The following JAZF1 variants were observed in gnomAD, a reference collection of about 807,000 sequenced individuals.
JAZF1 encodes the protein juxtaposed with another zinc finger protein 1.
Under a neutral mutation model 26.4 loss-of-function variants are expected in JAZF1, and 8 were observed. The observed-to-expected ratio is 0.30, with a 90% confidence interval of 0.18 to 0.55. JAZF1 has a LOEUF of 0.55. Ranked by LOEUF, JAZF1 falls within the 20% of genes least tolerant of loss-of-function variation. The pLI, the probability that JAZF1 is intolerant of heterozygous loss-of-function variation, is 0.94. For missense variants in JAZF1, 199 were observed against 322.0 expected, an observed-to-expected ratio of 0.62 and a Z score of 2.92; for synonymous variants, 126 against 122.3, an observed-to-expected ratio of 1.03 and a Z score of -0.20.
chr7:28,009,954 T>C (rs1225869373), intron 1 of JAZF1, among the ~76,000 whole-genome samples: 2 of 152,234 alleles, frequency 1.3e-5, no homozygotes, highest in African/African-American at 4.8e-5. Context: ...ATTGCTTACA[T>C]GATAAGAGAT....
intron 3 of JAZF1, among the ~76,000 whole-genome samples, chr7:27,863,271 G>T (rs1783413728): frequency 6.6e-6 from 1 of 152,088 alleles, no homozygotes; most frequent in South Asian, 2.1e-4. Context: ...ATCTGGCTGG[G>T]GTCCCTTTGA....
At chr7:28,059,405 T>C (rs1351383088) in intron 1 of JAZF1, among the ~76,000 whole-genome samples, 2 of 152,192 alleles carry the variant, frequency 1.3e-5, no homozygotes, top group Non-Finnish European at 1.5e-5. Flanking sequence ...ACTGAAATTA[T>C]ATATAATGTA....
chr7:27,919,564 ATGCATTTTAC>A (rs2128347499), intron 2 of JAZF1, among the ~76,000 whole-genome samples: 1 of 152,330 alleles, frequency 6.6e-6, no homozygotes, highest in Non-Finnish European at 1.5e-5. Context: ...AAGCATGAGG[ATGCATTTTAC>A]GATGATAAGG....
chr7:27,901,540 T>TG (rs1487739206), intron 2 of JAZF1, among the ~76,000 whole-genome samples: 2 of 152,144 alleles, frequency 1.3e-5, no homozygotes, highest in African/African-American at 2.4e-5. Flanking sequence ...AGTGACCTGC[T>TG]GGGGAAAAAA....
At chr7:27,917,300 C>T (rs1047762953) in intron 2 of JAZF1, among the ~76,000 whole-genome samples, 1 of 152,170 alleles carries the variant, frequency 6.6e-6, no homozygotes, top group African/African-American at 2.4e-5. Context: ...GCAATGAGGA[C>T]CTGTTCCAGC....
intron 1 of JAZF1, among the ~76,000 whole-genome samples, chr7:28,051,179 TTTTTTTTAA>T (rs1783610026): frequency 6.6e-6 from 1 of 151,762 alleles, no homozygotes; most frequent in African/African-American, 2.4e-5. Flanking sequence ...CTATAACTGT[TTTTTTTTAA>T]GAAACTATTG....
chr7:27,899,523 C>G (rs1784130587), intron 2 of JAZF1, among the ~76,000 whole-genome samples: 1 of 152,152 alleles, frequency 6.6e-6, no homozygotes. Context: ...AAGCACCAAC[C>G]TCCTGGGCTC....
intron 1 of JAZF1, among the ~76,000 whole-genome samples, chr7:28,017,421 T>C (rs781024854): frequency 2.4e-4 from 37 of 152,220 alleles, no homozygotes; most frequent in Non-Finnish European, 4.4e-4. Context: ...AGATCCTCTA[T>C]GTTCTCAAAC....
At chr7:28,004,266 C>T (rs1230638366) in intron 1 of JAZF1, among the ~76,000 whole-genome samples, 5 of 152,126 alleles carry the variant, frequency 3.3e-5, no homozygotes, top group Non-Finnish European at 7.4e-5. Flanking sequence ...ACCCATGCTA[C>T]AGGCTTAATA....
chr7:27,854,423 GGTTATTTTGCTT>G, intron 3 of JAZF1, among the ~76,000 whole-genome samples: 1 of 152,266 alleles, frequency 6.6e-6, no homozygotes, highest in South Asian at 2.1e-4. Flanking sequence ...GATGATAGCT[GGTTATTTTGCTT>G]GTTAGTTGAT....
At chr7:28,061,398 A>T (rs1783795178) in intron 1 of JAZF1, among the ~76,000 whole-genome samples, 1 of 152,266 alleles carries the variant, frequency 6.6e-6, no homozygotes, top group Non-Finnish European at 1.5e-5. Context: ...TGTTTAAGAA[A>T]GTACACAAAA....
At chr7:28,088,209 C>T (rs1784239039) in intron 1 of JAZF1, among the ~76,000 whole-genome samples, 2 of 152,172 alleles carry the variant, frequency 1.3e-5, no homozygotes, top group African/African-American at 4.8e-5. Flanking sequence ...ACATGGTAGC[C>T]AACAGCAGTT....
intron 1 of JAZF1, among the ~76,000 whole-genome samples, chr7:28,101,349 G>A (rs569687988): frequency 2.4e-4 from 37 of 152,058 alleles, no homozygotes; most frequent in South Asian, 8.3e-4. Flanking sequence ...ATATTATTAC[G>A]TATATTATGT....
chr7:28,174,013 C>T (rs776187423), intron 1 of JAZF1, among the ~76,000 whole-genome samples: 31 of 151,192 alleles, frequency 2.1e-4, no homozygotes, highest in East Asian at 3.9e-4. Flanking sequence ...AAAAAATACA[C>T]ACATAATAAA....
rs907272614 is a variant in JAZF1, at chr7:27,831,589, T to C, written c.*1211A>G. 2 of 226,250 alleles carry C rather than the reference T, an allele frequency of 8.8e-6. No homozygotes were observed. Among genetic ancestry groups the C allele is most frequent in the East Asian group, 6.4e-5 (1 of 15,690 alleles). The allele number at this position is 226,250 out of a possible 1,614,324, so 14.0% of individuals were successfully genotyped here. Reference sequence around the variant, plus strand: ...ACCACCTGCTGCAAGAAGCACTTAATTGTCAATAAGGCTCATTTTCCTATT... The same window carrying C: ...ACCACCTGCTGCAAGAAGCACTTAACTGTCAATAAGGCTCATTTTCCTATT... On this transcript the variant is annotated 3_prime_UTR_variant, in exon 5 of 5. Transcript: ENST00000283928.
intron 2 of JAZF1, among the ~76,000 whole-genome samples, chr7:27,957,876 G>C (rs1785125705): frequency 6.6e-6 from 1 of 152,152 alleles, no homozygotes; most frequent in Non-Finnish European, 1.5e-5. Context: ...TCCAGACCTT[G>C]AGATAAAGCA....
intron 3 of JAZF1, among the ~76,000 whole-genome samples, chr7:27,862,552 A>T (rs1207458566): frequency 2.0e-5 from 3 of 152,128 alleles, no homozygotes; most frequent in Non-Finnish European, 2.9e-5. Context: ...GACCATTTTC[A>T]TCTCTCCAAA....
intron 1 of JAZF1, among the ~76,000 whole-genome samples, chr7:28,167,020 C>CA (rs971046453): frequency 1.3e-5 from 2 of 151,616 alleles, no homozygotes; most frequent in Non-Finnish European, 2.9e-5. Flanking sequence ...ACCATGGATG[C>CA]AAAAAAAAGG....
intron 1 of JAZF1, among the ~76,000 whole-genome samples, chr7:28,126,847 C>T (rs1023797776): frequency 2.0e-5 from 3 of 152,166 alleles, no homozygotes; most frequent in Non-Finnish European, 2.9e-5. Flanking sequence ...AGTGAGTCCA[C>T]GGAACCCTAA....
Sources: gnomAD v4.1 joint callset for allele counts (sites outside exome capture counted in the v4.1 genomes callset) on GRCh38, gnomAD v4.1.1 for gene constraint, MANE v1.5 for transcripts, NCBI Gene and HGNC (gene_info 2026-07-23, HGNC 2026-07-21) for gene names.